CCAR1: variants seen among roughly 807,000 people sequenced by gnomAD.
CCAR1 encodes the protein cell division cycle and apoptosis regulator protein 1.
CCAR1 carries 78 observed loss-of-function variants against 163.8 expected under a neutral mutation model. The ratio of observed to expected loss-of-function variants is 0.48; its 90% CI spans 0.40 to 0.57. The LOEUF (loss-of-function observed/expected upper bound fraction) is 0.57. Ranked by LOEUF, CCAR1 falls within the 20% of genes least tolerant of loss-of-function variation. The pLI is 0.00. For missense variants in CCAR1, 1,019 were observed against 1,365.2 expected, an observed-to-expected ratio of 0.75 and a Z score of 4.00; for synonymous variants, 443 against 460.7, an observed-to-expected ratio of 0.96 and a Z score of 0.49.
intron 3 of CCAR1, 37 bp from the exon 4 acceptor site, chr10:68,737,808 G>C (rs768283185): frequency 7.7e-7 from 1 of 1,291,800 alleles, no homozygotes; most frequent in Non-Finnish European, 1.1e-6. Context: ...TTTAGTGTCT[G>C]TATTTTTCTT....
chr10:68,757,344 C>A lies in CCAR1; in HGVS notation c.1887C>A (p.Thr629=). The change falls in exon 15 of 25, where the codon ACC becomes ACA. Residue 629 remains threonine (T), a synonymous_variant. Transcript: ENST00000265872. ...AAGCTAAAGAAATTTCTACACCTAC[C>A]CATTGGTCTAAACTTGATCCAAAGA... ...DGEAKEISTP[T]HWSKLDPKTM... 1 of 1,586,784 alleles carries A rather than the reference C, an allele frequency of 6.3e-7. No homozygotes were observed. The highest frequency in any genetic ancestry group is 8.7e-7 in the Non-Finnish European group (1 of 1,156,058).
chr10:68,733,495 CA>C (rs36090603), intron 2 of CCAR1, among the ~76,000 whole-genome samples: 98,052 of 151,584 alleles, frequency 0.65, 32,006 homozygotes, highest in Admixed American at 0.71. Flanking sequence ...GTTTTCTTTT[CA>C]CTGTAGATTC....
chr10:68,762,032 C>T (rs2056477828), intron 16 of CCAR1, among the ~76,000 whole-genome samples: 1 of 151,960 alleles, frequency 6.6e-6, no homozygotes, highest in African/African-American at 2.4e-5. Flanking sequence ...AGATACAAAA[C>T]AGTTCTAGGT....
rs2056412767 is a variant in CCAR1 at position 68,757,678 on chromosome 10, A to G, written c.1920+301A>G. Among the ~76,000 whole-genome samples the G allele has an allele frequency of 2.6e-5, 4 of 152,168 alleles. No individual in the cohort carries two copies. The South Asian group carries it at 8.3e-4, about 31-fold the overall frequency. On this transcript the variant is annotated intron_variant, in intron 15 of 24. Transcript: ENST00000265872. ...TGATCCACCTGCCTCAGTCTCCCAA[A>G]GTGCTGGGATTACAGGCATGAGCTG...
At chr10:68,762,571 G>A (rs1052172115) in intron 16 of CCAR1, among the ~76,000 whole-genome samples, 5 of 152,038 alleles carry the variant, frequency 3.3e-5, no homozygotes, top group Admixed American at 2.6e-4. Context: ...TGAAATATAG[G>A]GATATCAGAA....
chr10:68,772,694 G>T (rs1337092575), intron 18 of CCAR1, among the ~76,000 whole-genome samples: 1 of 150,828 alleles, frequency 6.6e-6, no homozygotes, highest in East Asian at 1.9e-4. Flanking sequence ...GGAGGTGGAG[G>T]TTGCAGTGAA....
chr10:68,771,121 G>A, intron 17 of CCAR1, 85 bp from the exon 18 acceptor site: 1 of 1,187,578 alleles, frequency 8.4e-7, no homozygotes, highest in Non-Finnish European at 1.2e-6. Context: ...GTTGTATGTG[G>A]CAAGTTTTTA....
At chr10:68,725,096 T>TGC (rs1203983972) in intron 2 of CCAR1, among the ~76,000 whole-genome samples, 1 of 152,114 alleles carries the variant, frequency 6.6e-6, no homozygotes, top group Non-Finnish European at 1.5e-5. Flanking sequence ...ATGCTCAGAT[T>TGC]GCGCCATTGC....
In CCAR1 at chr10:68,722,589, AAATACATGTACTGT is replaced by A; in HGVS notation, c.73+16_73+29del. 6.3e-7 allele frequency: 1 copy of A among 1,594,590 alleles called. No homozygotes were observed. Among genetic ancestry groups the A allele is most frequent in the African/African-American group, 1.3e-5 (1 of 74,600 alleles). Reference sequence around the variant, plus strand: ...AGTATCACAGCCAGGTCAGGCTTCTAAATACATGTACTGTAATTGTTTGTGGGGGACTTGTTAAA... The same window carrying A: ...AGTATCACAGCCAGGTCAGGCTTCTAAATTGTTTGTGGGGGACTTGTTAAA... On this transcript the variant is annotated intron_variant, in intron 2 of 24. Transcript: ENST00000265872.
intron 2 of CCAR1, among the ~76,000 whole-genome samples, chr10:68,723,833 GCAGGACTC>G (rs1446869679): frequency 7.3e-6 from 1 of 136,342 alleles, no homozygotes; most frequent in Non-Finnish European, 1.5e-5. Flanking sequence ...GGGTGACAGA[GCAGGACTC>G]CATCTCAAAA....
intron 16 of CCAR1, 77 bp from the exon 17 acceptor site, chr10:68,765,811 C>G: frequency 2.1e-5 from 19 of 911,932 alleles, no homozygotes; most frequent in Non-Finnish European, 2.7e-5. Context: ...GATATATATT[C>G]AATATATATT....
In CCAR1 at chr10:68,736,891, A is replaced by C; in HGVS notation, c.89A>C (p.Gln30Pro). The C allele has an allele frequency of 3.7e-6, 6 of 1,610,216 alleles. No individual in the cohort carries two copies. Among genetic ancestry groups the C allele is most frequent in the Non-Finnish European group, 5.1e-6 (6 of 1,178,464 alleles). ...AVSQPAALGV[Q>P]QPSLLGASPT... ...TTCATTTTAGCTGCACTGGGTGTTC[A>C]ACAGCCATCACTCCTTGGAGCATCT... The change falls in exon 3 of 25, where the codon CAA becomes CCA. Residue 30 changes from glutamine (Q) to proline (P), a missense_variant. Transcript: ENST00000265872.
intron 2 of CCAR1, among the ~76,000 whole-genome samples, chr10:68,730,524 G>A (rs2133308164): frequency 6.6e-6 from 1 of 151,608 alleles, no homozygotes; most frequent in Middle Eastern, 3.5e-3. Flanking sequence ...TTTTAGTAGA[G>A]ACAGGGTTTC....
intron 3 of CCAR1, 74 bp from the exon 4 acceptor site, chr10:68,737,771 G>C (rs1265881967): frequency 1.3e-6 from 1 of 783,146 alleles, no homozygotes; most frequent in Non-Finnish European, 2.1e-6. Context: ...GTATTTCTAT[G>C]TATATCACTT....
chr10:68,725,913 C>G (rs1294988503), intron 2 of CCAR1, among the ~76,000 whole-genome samples: 1 of 151,706 alleles, frequency 6.6e-6, no homozygotes, highest in African/African-American at 2.4e-5. Flanking sequence ...TCCAGGAGTC[C>G]AAGACCAGCC....
intron 15 of CCAR1, among the ~76,000 whole-genome samples, chr10:68,760,070 G>A (rs942340190): frequency 1.3e-5 from 2 of 151,980 alleles, no homozygotes; most frequent in Admixed American, 6.6e-5. Context: ...GGCCTCAAGC[G>A]ATCCTTCCAC....
chr10:68,774,703 T>C (rs2056642466), intron 19 of CCAR1, among the ~76,000 whole-genome samples: 1 of 151,776 alleles, frequency 6.6e-6, no homozygotes, highest in African/African-American at 2.4e-5. Context: ...ACATATAGAG[T>C]TTAAAGGCTA....
intron 3 of CCAR1, 135 bp downstream of exon 3, chr10:68,737,183 A>T (rs1035360397): frequency 2.9e-6 from 2 of 683,972 alleles, no homozygotes; most frequent in Non-Finnish European, 2.5e-6. Context: ...TCTGGTGATG[A>T]ATATTATATC....
chr10:68,762,764 A>T (rs554620148), intron 16 of CCAR1, among the ~76,000 whole-genome samples: 50 of 152,142 alleles, frequency 3.3e-4, no homozygotes, highest in East Asian at 7.7e-4. Flanking sequence ...TATTTTTTTT[A>T]AATTTTTTTA....
Sources: allele counts gnomAD v4.1 joint callset (sites outside exome capture counted in the v4.1 genomes callset), GRCh38; gene constraint gnomAD v4.1.1; transcripts MANE v1.5; gene names NCBI Gene and HGNC (gene_info 2026-07-23, HGNC 2026-07-21).